Variants in PRPS1 observed in about 807,000 individuals in gnomAD.
The protein encoded by PRPS1 is phosphoribosyl pyrophosphate synthetase 1, also known as ribose-phosphate pyrophosphokinase 1.
In PRPS1, 1 loss-of-function variant was observed where a neutral mutation model predicts 16.9. That is an observed-to-expected ratio of 0.06 (90% CI 0.02 to 0.28). The LOEUF (loss-of-function observed/expected upper bound fraction) is 0.28, where lower values mean the gene tolerates loss of function less well. Among genes scored for constraint, PRPS1 ranks in the 10% least tolerant of loss-of-function variants. PRPS1 has a pLI of 1.00. For missense variants in PRPS1, 47 were observed against 254.0 expected (o/e 0.19, Z 5.54); for synonymous variants, 70 against 90.2 (o/e 0.78, Z 1.27).
intron 5 of PRPS1, among the ~76,000 whole-genome samples, chrX:107,645,805 C>T (rs866357889): frequency 4.5e-5 from 5 of 111,409 alleles, no homozygotes; most frequent in South Asian, 3.8e-4. Context: ...TCTTACTTCT[C>T]GACTGTTTTA....
intron 1 of PRPS1, among the ~76,000 whole-genome samples, chrX:107,636,056 CAAAAAAAAAAAAA>C (rs965370775): frequency 2.5e-4 from 11 of 43,302 alleles, no homozygotes; most frequent in African/African-American, 1.0e-3. Flanking sequence ...GAGACTGTCT[CAAAAAAAAAAAAA>C]AAAAAAAACT....
In PRPS1 at chrX:107,650,099, T is replaced by C; in HGVS notation, c.*67T>C. 8.3e-7 allele frequency: 1 copy of C among 1,207,916 alleles called. No individual in the cohort carries two copies. Among genetic ancestry groups the C allele is most frequent in the South Asian group, 1.8e-5 (1 of 56,817 alleles). ...ACCCTTGTTTCCCCTTGGTATTTGA[T>C]GACAAATTCAGCAGAAGACCCGGCT... is the stretch of plus-strand genomic sequence containing the variant. On this transcript the variant is annotated 3_prime_UTR_variant, in exon 7 of 7. Coordinates refer to ENST00000372435, the MANE Select transcript of PRPS1 (RefSeq NM_002764.4).
At position 107,641,195 on chromosome X, in the gene PRPS1, C is replaced by G. The variant is rs1925565058; in HGVS notation, c.405+195C>G. On this transcript the variant is annotated intron_variant, in intron 3 of 6. Transcript: ENST00000372435. The stretch of plus-strand genomic sequence containing the variant: ...TCAGGTGGTTAGATAGGGAGGCAGT[C>G]TAGTTTTATGGGAAGAGCACTACTT... The G allele has an allele frequency of 2.8e-6, 3 of 1,083,390 alleles. No homozygotes were observed. The Admixed American group carries it at 8.0e-5, about 29-fold the overall frequency. 89.3% of individuals were successfully genotyped at this position (1,083,390 alleles called of 1,213,427 possible).
At chrX:107,645,426 G>A (rs1925670085) in intron 5 of PRPS1, 76 bp downstream of exon 5, 9 of 1,150,358 alleles carry the variant, frequency 7.8e-6, no homozygotes, top group Non-Finnish European at 1.1e-5. Flanking sequence ...TCAGCCTGCT[G>A]ATTCCTTTTG....
intron 5 of PRPS1, among the ~76,000 whole-genome samples, chrX:107,646,234 C>T: frequency 9.0e-6 from 1 of 111,008 alleles, no homozygotes. Context: ...TCCCGAGTAG[C>T]TGGGACTACA....
chrX:107,640,448 A>C (rs1259892216), intron 2 of PRPS1, among the ~76,000 whole-genome samples: 1 of 112,289 alleles, frequency 8.9e-6, no homozygotes, highest in Non-Finnish European at 1.9e-5. Flanking sequence ...GTTGACCTCC[A>C]GATGAGTAAG....
chrX:107,632,924 C>T (rs923071447), intron 1 of PRPS1, among the ~76,000 whole-genome samples: 2 of 111,908 alleles, frequency 1.8e-5, no homozygotes, highest in Non-Finnish European at 3.8e-5. Context: ...GAATTATACA[C>T]ATTAAAACAA....
rs1273852823 is a variant in PRPS1, at chrX:107,628,691, C to T, written c.63C>T (p.Asp21=). ...AGGACTTATCTCAGAAAATTGCTGACCGCCTGGGCCTGGAGCTAGGCAAGG... is the reference window on the plus strand; with the variant it reads ...AGGACTTATCTCAGAAAATTGCTGATCGCCTGGGCCTGGAGCTAGGCAAGG... ...SHQDLSQKIA[D]RLGLELGKVV... is the part of the protein sequence containing the mutation. The change falls in exon 1 of 7, where the codon GAC becomes GAT. Residue 21 remains aspartate, a synonymous_variant. Coordinates refer to ENST00000372435, the MANE Select transcript of PRPS1 (RefSeq NM_002764.4). 3 of 1,211,367 alleles carry T rather than the reference C, an allele frequency of 2.5e-6. No homozygotes were observed. Among genetic ancestry groups the T allele is most frequent in the Non-Finnish European group, 3.4e-6 (3 of 895,465 alleles).
Position 107,640,007 on chromosome X carries a change from G to A in PRPS1, c.306+529G>A, listed in dbSNP as rs148639312. 9.6e-3 allele frequency among the ~76,000 whole-genome samples: 1,087 copies of A among 112,714 alleles called. 6 individuals carry two copies. Among genetic ancestry groups the A allele is most frequent in the African/African-American group, 0.033 (1,023 of 31,098 alleles). On this transcript the variant is annotated intron_variant, in intron 2 of 6. Transcript: ENST00000372435. ...TGCCCAATTTTACACACAATGCCTC[G>A]AAGAAGGTCAGATATTTTTATTCCA...
intron 1 of PRPS1, among the ~76,000 whole-genome samples, chrX:107,631,266 G>A (rs771728429): frequency 9.0e-6 from 1 of 111,247 alleles, no homozygotes; most frequent in Non-Finnish European, 1.9e-5. Flanking sequence ...CCAGGCTGGA[G>A]TCCAATAGCT....
chrX:107,629,990 A>G (rs1185478949), intron 1 of PRPS1: 1 of 112,458 alleles, frequency 8.9e-6, no homozygotes, highest in Non-Finnish European at 1.9e-5. Context: ...ACTGATTTCC[A>G]AGTTTAACTC....
intron 1 of PRPS1, among the ~76,000 whole-genome samples, 182 bp downstream of exon 1, chrX:107,628,932 A>T (rs1348108053): frequency 9.0e-6 from 1 of 110,985 alleles, no homozygotes; most frequent in Non-Finnish European, 1.9e-5. Flanking sequence ...GGTCACGTTC[A>T]TTCTTACCGT....
chrX:107,637,950 A>ATATATTTT (rs1411479537), intron 1 of PRPS1, among the ~76,000 whole-genome samples: 49 of 98,344 alleles, frequency 5.0e-4, no homozygotes, highest in African/African-American at 1.9e-3. Flanking sequence ...ATATATATAT[A>ATATATTTT]TTTTTTTGAT....
At chrX:107,647,914 C>A in intron 6 of PRPS1, 149 bp downstream of exon 6, 1 of 634,036 alleles carries the variant, frequency 1.6e-6, no homozygotes, top group Non-Finnish European at 2.4e-6. Flanking sequence ...CAAAAGTTAA[C>A]AATCACCTGT....
At position 107,631,103 on chromosome X, in the gene PRPS1, C is replaced by T. The variant is rs1925299395; in HGVS notation, c.122+2353C>T. On this transcript the variant is annotated intron_variant, in intron 1 of 6. Transcript: ENST00000372435. ...CTCCCAGATATTTGTGTAAGATACA[C>T]TTTTTCAAGAATGTTTAATACATTT... 2.7e-5 allele frequency among the ~76,000 whole-genome samples: 3 copies of T among 112,278 alleles called. No homozygotes were observed. The Admixed American group carries it at 2.8e-4, about 11-fold the overall frequency.
chrX:107,639,782 C>T (rs761433252), intron 2 of PRPS1, among the ~76,000 whole-genome samples: 4 of 111,216 alleles, frequency 3.6e-5, no homozygotes, highest in Non-Finnish European at 7.5e-5. Context: ...TTTAAAATTA[C>T]GGTAGATCCT....
intron 4 of PRPS1, among the ~76,000 whole-genome samples, chrX:107,643,968 A>G (rs1001352976): frequency 8.9e-6 from 1 of 111,939 alleles, no homozygotes; most frequent in Non-Finnish European, 1.9e-5. Context: ...ACAAAATGCT[A>G]TAGTTTGTTC....
chrX:107,647,360 G>A (rs1303523209), intron 5 of PRPS1, among the ~76,000 whole-genome samples: 2 of 112,630 alleles, frequency 1.8e-5, no homozygotes, highest in Admixed American at 9.4e-5. Flanking sequence ...CTTGATCTTG[G>A]ACTTTAAGCC....
intron 1 of PRPS1, among the ~76,000 whole-genome samples, chrX:107,633,108 T>C (rs1488997400): frequency 9.0e-6 from 1 of 111,702 alleles, no homozygotes; most frequent in Non-Finnish European, 1.9e-5. Context: ...ACACCTTCTA[T>C]GCTGAAGGTA....
Sources: allele counts gnomAD v4.1 joint callset (sites outside exome capture counted in the v4.1 genomes callset), GRCh38; gene constraint gnomAD v4.1.1; transcripts MANE v1.5; gene names NCBI Gene and HGNC (gene_info 2026-07-23, HGNC 2026-07-21).